The following MEGF8 variants were observed in gnomAD, a reference collection of about 807,000 sequenced individuals.
The protein encoded by MEGF8 is multiple epidermal growth factor-like domains protein 8.
A neutral mutation model predicts 302.9 loss-of-function variants in MEGF8; 156 were observed. That is an observed-to-expected ratio of 0.52 (90% CI 0.45 to 0.59). The LOEUF is 0.59. Ranked by LOEUF, MEGF8 falls within the 20% of genes least tolerant of loss-of-function variation. The pLI is 0.00. For synonymous variants in MEGF8, 1,621 were observed against 1,660.5 expected (o/e 0.98, Z 0.58); for missense variants, 3,345 against 3,964.5 (o/e 0.84, Z 4.20).
At position 42,356,948 on chromosome 19, in the gene MEGF8, C is replaced by T. The variant is rs777504419; in HGVS notation, c.4797C>T (p.Leu1599=). ...AGGVTRDFWV[L]NLTTLQWRQE... is the part of the protein sequence containing the mutation. ...GCGTCACCCGTGATTTCTGGGTCCT[C>T]AACCTCACCACCCTGCAATGGCGGC... Residue 1599 remains leucine (L), a synonymous_variant, in exon 27 of 42, where the codon CTC becomes CTT. Coordinates refer to ENST00000251268, the MANE Select transcript of MEGF8 (RefSeq NM_001271938.2). This position sits in a 1 kb window ranked among gnomAD's most constrained non-coding sequence, Gnocchi z 5.2. 1 of 1,609,932 alleles carries T rather than the reference C, an allele frequency of 6.2e-7. No individual in the cohort carries two copies. The highest frequency in any genetic ancestry group is 1.1e-5 in the South Asian group (1 of 89,850).
rs2039754083 is a variant in MEGF8 at position 42,375,565 on chromosome 19, G to A, written c.7328G>A (p.Arg2443His). 3 of 1,596,106 alleles carry A rather than the reference G, an allele frequency of 1.9e-6. No homozygotes were observed. Among genetic ancestry groups the A allele is most frequent in the Admixed American group, 1.7e-5 (1 of 57,504 alleles). ...CCGCTGGGCGGCCAGCAGTGCTACC[G>A]CCTCATCTCGGTGGAGCAGGAGTGC... The part of the protein sequence containing the change: ...GSPLGGQQCY[R>H]LISVEQECCL... Residue 2443 changes from arginine to histidine, a missense_variant, in exon 42 of 42, where the codon CGC (arginine) becomes CAC (histidine). Transcript: ENST00000251268. This position sits in a 1 kb window ranked among gnomAD's most constrained non-coding sequence, Gnocchi z 7.1.
At chr19:42,332,024 G>GT (rs1386687889) in intron 1 of MEGF8, among the ~76,000 whole-genome samples, 6 of 146,958 alleles carry the variant, frequency 4.1e-5, no homozygotes, top group African/African-American at 1.5e-4. Flanking sequence ...GCTAATTTTT[G>GT]TATTTTTTTT....
Position 42,343,511 on chromosome 19 carries a change from T to G in MEGF8, c.1548T>G (p.His516Gln), listed in dbSNP as rs200112539. The stretch of plus-strand genomic sequence containing the variant: ...CGCCTCCCAGTGGTCGGTACTCACA[T>G]GTAGCTGCGGTGCTTGGTGGCAGCG... Reference protein sequence around the residue: ...RAAPPSGRYSHVAAVLGGSVL... With the variant: ...RAAPPSGRYSQVAAVLGGSVL... The change falls in exon 9 of 42, where the codon CAT becomes CAG. Residue 516 changes from histidine (H) to glutamine (Q), a missense_variant. Physicochemically the swap from His to Gln is conservative, Grantham distance 24. Coordinates refer to ENST00000251268, the MANE Select transcript of MEGF8 (RefSeq NM_001271938.2). 8 of 1,612,956 alleles carry G rather than the reference T, an allele frequency of 5.0e-6. No homozygotes were observed. The East Asian group carries it at 1.8e-4, about 36-fold the overall frequency.
intron 35 of MEGF8, among the ~76,000 whole-genome samples, chr19:42,365,511 A>C (rs1257472982): frequency 6.6e-6 from 1 of 151,620 alleles, no homozygotes; most frequent in East Asian, 1.9e-4. Flanking sequence ...CAGGCCTGTA[A>C]TCCCAACACT....
At position 42,358,435 on chromosome 19, in the gene MEGF8, C is replaced by G; in HGVS notation, c.5175+128C>G. The G allele has an allele frequency of 3.3e-6, 4 of 1,200,776 alleles. No individual in the cohort carries two copies. Among genetic ancestry groups the G allele is most frequent in the Non-Finnish European group, 3.4e-6 (3 of 883,520 alleles). The allele number at this position is 1,200,776 out of a possible 1,614,324, so 74.4% of individuals were successfully genotyped here. ...CTCCTTTCTATGTTCCCTAACTAAG[C>G]GACACCCCCACATCTCCCCCGCTTC... On this transcript the variant is annotated intron_variant, in intron 29 of 41. Coordinates refer to ENST00000251268, the MANE Select transcript of MEGF8 (RefSeq NM_001271938.2). The surrounding 1 kb of genome is among the most constrained non-coding windows in gnomAD (Gnocchi z 4.4).
Position 42,354,072 on chromosome 19 carries a change from T to G in MEGF8, c.4011+48T>G. 1 of 1,542,662 alleles carries G rather than the reference T, an allele frequency of 6.5e-7. No individual in the cohort carries two copies. Among genetic ancestry groups the G allele is most frequent in the South Asian group, 1.2e-5 (1 of 84,602 alleles). On this transcript the variant is annotated intron_variant, in intron 22 of 41. Transcript: ENST00000251268. The surrounding 1 kb of genome is among the most constrained non-coding windows in gnomAD (Gnocchi z 4.3). Reference sequence around the variant, plus strand: ...TTCAGGCGCATGAGCCAGAACCGTGTCCCCTGACCCAGCCTGCATCCTCAG... The same window carrying G: ...TTCAGGCGCATGAGCCAGAACCGTGGCCCCTGACCCAGCCTGCATCCTCAG...
intron 8 of MEGF8, 96 bp downstream of exon 8, chr19:42,337,302 C>A: frequency 6.4e-7 from 1 of 1,550,534 alleles, no homozygotes; most frequent in Non-Finnish European, 8.8e-7. Context: ...TAAGGGTGAG[C>A]CTGACATCCA....
Position 42,353,714 on chromosome 19 carries a change from T to C in MEGF8, c.3761+39T>C, listed in dbSNP as rs999782035. On this transcript the variant is annotated intron_variant, in intron 21 of 41. Transcript: ENST00000251268. The surrounding 1 kb of genome is among the most constrained non-coding windows in gnomAD (Gnocchi z 6.1). ...CCAGCCAGGGCTGGGTAGGGTGTGC[T>C]TGGGGACACAGTGGGGAGGGTCAGG... 27 of 1,573,916 alleles carry C rather than the reference T, an allele frequency of 1.7e-5. No individual in the cohort carries two copies. The African/African-American group carries it at 1.7e-4, about 10-fold the overall frequency.
At position 42,351,693 on chromosome 19, in the gene MEGF8, C is replaced by T. The variant is rs145216125; in HGVS notation, c.3033C>T (p.Thr1011=). 3.7e-4 allele frequency: 586 copies of T among 1,594,794 alleles called. 1 individual carries two copies. Among genetic ancestry groups the T allele is most frequent in the Middle Eastern group, 8.2e-4 (5 of 6,064 alleles). ...PRCRSCDGFL[T]CHECLQSHEC... is the part of the protein sequence containing the mutation. ...GCCGGAGCTGCGATGGCTTCCTGAC[C>T]TGCCATGAGTGTCTGCAGAGCCACG... Residue 1011 remains threonine (T), a synonymous_variant, in exon 18 of 42, where the codon ACC becomes ACT. Coordinates refer to ENST00000251268, the MANE Select transcript of MEGF8 (RefSeq NM_001271938.2). This position sits in a 1 kb window ranked among gnomAD's most constrained non-coding sequence, Gnocchi z 5.6.
chr19:42,335,095 T>C lies in MEGF8; in HGVS notation c.619T>C (p.Trp207Arg). 1 of 1,613,978 alleles carries C rather than the reference T, an allele frequency of 6.2e-7. No individual in the cohort carries two copies. The highest frequency in any genetic ancestry group is 8.5e-7 in the Non-Finnish European group (1 of 1,179,876). ...GGGACGTGCCTGTGACCTGCACCTG[T>C]GGGAGAACCAGGGGGCTGGGTGGTG... ...FLGRACDLHL[W>R]ENQGAGWWHN... Residue 207 changes from tryptophan (W) to arginine (R), a missense_variant, in exon 4 of 42, where the codon TGG (tryptophan) becomes CGG (arginine). Trp to Arg is a moderately radical substitution (Grantham distance 101, BLOSUM62 -3). Transcript: ENST00000251268.
At chr19:42,333,031 C>G (rs1034683956) in intron 1 of MEGF8, among the ~76,000 whole-genome samples, 1 of 152,166 alleles carries the variant, frequency 6.6e-6, no homozygotes, top group Non-Finnish European at 1.5e-5. Flanking sequence ...TGCTTGTAAC[C>G]ATCACAATAA....
chr19:42,337,213 G>T lies in MEGF8; in HGVS notation c.1513+7G>T. 1.2e-6 allele frequency: 2 copies of T among 1,613,376 alleles called. No homozygotes were observed. The highest frequency in any genetic ancestry group is 1.1e-5 in the South Asian group (1 of 91,046). On this transcript the variant is annotated splice_region_variant and intron_variant, in intron 8 of 41. Coordinates refer to ENST00000251268, the MANE Select transcript of MEGF8 (RefSeq NM_001271938.2). ...CCGCCAGGAACCCCTGAGGGTGAGTGGTCCCTGTTCTTCCCTAGGGGCTCC... is the reference window on the plus strand; with the variant it reads ...CCGCCAGGAACCCCTGAGGGTGAGTTGTCCCTGTTCTTCCCTAGGGGCTCC...
chr19:42,334,036 C>T lies in MEGF8; in HGVS notation c.381C>T (p.Asn127=). Residue 127 remains asparagine, a synonymous_variant, in exon 3 of 42, where the codon AAC becomes AAT. Coordinates refer to ENST00000251268, the MANE Select transcript of MEGF8 (RefSeq NM_001271938.2). The part of the protein sequence containing the change: ...KMLLHLFSDA[N]YNLLGFNASF... ...TGCTGCACCTCTTCAGTGATGCCAA[C>T]TACAACCTGCTGGGCTTTAACGCCT... is the stretch of plus-strand genomic sequence containing the variant. 1 of 1,613,862 alleles carries T rather than the reference C, an allele frequency of 6.2e-7. No individual in the cohort carries two copies. The highest frequency in any genetic ancestry group is 1.1e-5 in the South Asian group (1 of 91,056).
At chr19:42,347,237 C>T (rs569281271) in intron 12 of MEGF8, among the ~76,000 whole-genome samples, 133 of 151,768 alleles carry the variant, frequency 8.8e-4, no homozygotes, top group Middle Eastern at 6.9e-3. Flanking sequence ...AACTAATATA[C>T]TATGAACATT....
chr19:42,328,593 G>A (rs1399560261), intron 1 of MEGF8, among the ~76,000 whole-genome samples: 3 of 123,800 alleles, frequency 2.4e-5, no homozygotes, highest in African/African-American at 3.8e-5. Flanking sequence ...TGTGTGTGGC[G>A]AAGGGGTCTG....
At position 42,364,446 on chromosome 19, in the gene MEGF8, A is replaced by G. The variant is rs185992173; in HGVS notation, c.6273+1184A>G. 3.9e-5 allele frequency among the ~76,000 whole-genome samples: 6 copies of G among 152,328 alleles called. No individual in the cohort carries two copies. The East Asian group carries it at 1.2e-3, about 29-fold the overall frequency. ...ACTGCTCACCATCCGACAACCCATG[A>G]ACTAAGTGATCAGTCCAGCCACCAC... On this transcript the variant is annotated intron_variant, in intron 35 of 41. Transcript: ENST00000251268.
chr19:42,363,300 C>T (rs374535030), intron 35 of MEGF8, 38 bp downstream of exon 35: 56 of 1,533,536 alleles, frequency 3.7e-5, no homozygotes, highest in African/African-American at 4.1e-5. Context: ...GGCAAGGGCC[C>T]GGGCAGGTCT....
intron 1 of MEGF8, among the ~76,000 whole-genome samples, chr19:42,331,093 G>C (rs1217722408): frequency 1.3e-5 from 2 of 152,178 alleles, no homozygotes; most frequent in African/African-American, 4.8e-5. Flanking sequence ...CAGTGGTTCT[G>C]GTGAGACAGG....
chr19:42,371,353 C>G lies in MEGF8; in HGVS notation c.7140C>G (p.Cys2380Trp). 6.2e-7 allele frequency: 1 copy of G among 1,613,788 alleles called. No homozygotes were observed. The highest frequency in any genetic ancestry group is 8.5e-7 in the Non-Finnish European group (1 of 1,179,788). Residue 2380 changes from cysteine to tryptophan, a missense_variant, in exon 41 of 42, where the codon TGC becomes TGG. Cys to Trp is a radical substitution (Grantham distance 215). Coordinates refer to ENST00000251268, the MANE Select transcript of MEGF8 (RefSeq NM_001271938.2). ...TAACCCTCAACTTCTTCCCCAGATG[C>G]CAGTGTAATGGCCACGCGGACACAT... ...YFLLDGKCTK[C>W]QCNGHADTCN...
Sources: allele counts gnomAD v4.1 joint callset (sites outside exome capture counted in the v4.1 genomes callset), GRCh38; gene constraint gnomAD v4.1.1; non-coding constraint Gnocchi (gnomAD v3.1); transcripts MANE v1.5; gene names NCBI Gene and HGNC (gene_info 2026-07-23, HGNC 2026-07-21).